BNC2: variants seen among roughly 807,000 people sequenced by gnomAD.
BNC2 encodes zinc finger protein basonuclin-2.
BNC2 carries 20 observed loss-of-function variants against 76.3 expected under a neutral mutation model. The ratio of observed to expected loss-of-function variants is 0.26; its 90% CI spans 0.18 to 0.38. The LOEUF (loss-of-function observed/expected upper bound fraction) is 0.38. Among genes scored for constraint, BNC2 ranks in the 10% least tolerant of loss-of-function variants. The pLI, the probability that BNC2 is intolerant of heterozygous loss-of-function variation, is 1.00. For synonymous variants in BNC2, 582 were observed against 514.8 expected, an observed-to-expected ratio of 1.13 and a Z score of -1.77; for missense variants, 1,382 against 1,399.8, an observed-to-expected ratio of 0.99 and a Z score of 0.20.
At chr9:16,843,614 G>GT (rs1339362097) in intron 1 of BNC2, among the ~76,000 whole-genome samples, 1 of 152,228 alleles carries the variant, frequency 6.6e-6, no homozygotes, top group African/African-American at 2.4e-5. Flanking sequence ...GATTACAGGC[G>GT]TGAGCCACCA....
intron 3 of BNC2, among the ~76,000 whole-genome samples, chr9:16,661,473 A>G (rs1242505868): frequency 1.4e-5 from 2 of 147,394 alleles, no homozygotes; most frequent in Non-Finnish European, 3.0e-5. Context: ...AGATGAAAAC[A>G]AAGCTAAGGT....
intron 1 of BNC2, among the ~76,000 whole-genome samples, chr9:16,755,728 GTGTC>G (rs1357447499): frequency 7.9e-5 from 12 of 152,174 alleles, no homozygotes; most frequent in Admixed American, 1.3e-4. Flanking sequence ...ATCTTCCCAA[GTGTC>G]TGTCTTATTA....
intron 3 of BNC2, among the ~76,000 whole-genome samples, chr9:16,588,972 G>A (rs1057288507): frequency 1.3e-5 from 2 of 152,160 alleles, no homozygotes; most frequent in African/African-American, 2.4e-5. Context: ...GTTATCTGAC[G>A]CAAATTTAAA....
At chr9:16,712,178 T>A (rs565706004) in intron 3 of BNC2, among the ~76,000 whole-genome samples, 1 of 152,242 alleles carries the variant, frequency 6.6e-6, no homozygotes, top group African/African-American at 2.4e-5. Flanking sequence ...ATGTCAAGTA[T>A]AGCTCCCCCG....
At chr9:16,450,199 T>C (rs1821311952) in intron 5 of BNC2, among the ~76,000 whole-genome samples, 1 of 152,250 alleles carries the variant, frequency 6.6e-6, no homozygotes, top group African/African-American at 2.4e-5. Context: ...TCAGTGAAAT[T>C]AGTTTAGGCC....
intron 5 of BNC2, among the ~76,000 whole-genome samples, chr9:16,509,284 A>T (rs1822700506): frequency 6.6e-6 from 1 of 152,160 alleles, no homozygotes; most frequent in African/African-American, 2.4e-5. Context: ...AAATCCTCAA[A>T]TTCTAACATA....
intron 5 of BNC2, among the ~76,000 whole-genome samples, chr9:16,523,992 T>C (rs1034451811): frequency 8.5e-5 from 13 of 152,168 alleles, no homozygotes; most frequent in Non-Finnish European, 1.3e-4. Flanking sequence ...TTTACAACTC[T>C]AACAGATTTT....
chr9:16,770,822 G>C (rs116555795), intron 1 of BNC2, among the ~76,000 whole-genome samples: 1 of 151,512 alleles, frequency 6.6e-6, no homozygotes, highest in Non-Finnish European at 1.5e-5. Flanking sequence ...CCAAGATAGC[G>C]AGATCATGCC....
At chr9:16,836,863 G>A (rs1195841791) in intron 1 of BNC2, among the ~76,000 whole-genome samples, 1 of 151,970 alleles carries the variant, frequency 6.6e-6, no homozygotes, top group African/African-American at 2.4e-5. Context: ...ATTCAGAAAA[G>A]GCCCTTGGGC....
intron 1 of BNC2, among the ~76,000 whole-genome samples, chr9:16,773,236 C>T (rs1287990652): frequency 1.3e-5 from 2 of 152,132 alleles, no homozygotes; most frequent in African/African-American, 4.8e-5. Flanking sequence ...TACTGAACTC[C>T]AGATCATACA....
intron 1 of BNC2, among the ~76,000 whole-genome samples, chr9:16,807,334 G>C (rs1817939072): frequency 6.6e-6 from 1 of 152,070 alleles, no homozygotes. Flanking sequence ...ATGAAAACAA[G>C]GTTTATAGGA....
At chr9:16,626,095 A>G (rs1360018829) in intron 3 of BNC2, 1 of 152,236 alleles carries the variant, frequency 6.6e-6, no homozygotes, top group Admixed American at 6.5e-5. Flanking sequence ...AAACCTTCAG[A>G]AATGCCAGTC....
intron 3 of BNC2, among the ~76,000 whole-genome samples, chr9:16,654,520 G>A (rs145903791): frequency 6.6e-6 from 1 of 152,244 alleles, no homozygotes; most frequent in Non-Finnish European, 1.5e-5. Flanking sequence ...CCAAAAGACA[G>A]CTATTAATTA....
At chr9:16,455,124 C>T (rs1821418882) in intron 5 of BNC2, among the ~76,000 whole-genome samples, 1 of 152,144 alleles carries the variant, frequency 6.6e-6, no homozygotes, top group South Asian at 2.1e-4. Context: ...AGACTAGAGG[C>T]AATTTCCAAT....
chr9:16,567,401 A>G (rs1819200248), intron 4 of BNC2, among the ~76,000 whole-genome samples: 1 of 152,208 alleles, frequency 6.6e-6, no homozygotes, highest in Admixed American at 6.5e-5. Context: ...AAATGTATAA[A>G]ATAGTGCTGG....
chr9:16,582,892 G>GACACAGAC (rs1554680076), intron 4 of BNC2, 91 bp downstream of exon 4: 6 of 626,976 alleles, frequency 9.6e-6, no homozygotes, highest in Non-Finnish European at 1.4e-5. Flanking sequence ...CCTCTAAACA[G>GACACAGAC]ACACACACAC....
chr9:16,443,584 T>C (rs1821173201), intron 5 of BNC2, among the ~76,000 whole-genome samples: 1 of 147,792 alleles, frequency 6.8e-6, no homozygotes, highest in Non-Finnish European at 1.5e-5. Context: ...AAATCATAAA[T>C]TTTACCAGGT....
intron 1 of BNC2, among the ~76,000 whole-genome samples, chr9:16,836,893 TAGC>T (rs979451161): frequency 1.1e-4 from 17 of 152,306 alleles, no homozygotes; most frequent in African/African-American, 4.1e-4. Context: ...CATTGAGTGA[TAGC>T]AGGCCACTTA....
chr9:16,435,767 T>C lies in BNC2; in HGVS notation c.2427A>G (p.Thr809=). 6.2e-6 allele frequency: 10 copies of C among 1,614,132 alleles called. No individual in the cohort carries two copies. Among genetic ancestry groups the C allele is most frequent in the Non-Finnish European group, 8.5e-6 (10 of 1,180,026 alleles). Residue 809 remains threonine, a synonymous_variant, in exon 6 of 7, where the codon ACA becomes ACG. Coordinates refer to ENST00000380672, the MANE Select transcript of BNC2 (RefSeq NM_017637.6). ...GAGGGCTGCCATAATTCAGAGACGA[T>C]GTAAAGCTCTCATGCAAGGCGGCCA... ...ASMAALHESF[T]SSLNYGSPQK... is the part of the protein sequence containing the mutation.
Sources: allele counts gnomAD v4.1 joint callset (sites outside exome capture counted in the v4.1 genomes callset), GRCh38; gene constraint gnomAD v4.1.1; transcripts MANE v1.5; gene names NCBI Gene and HGNC (gene_info 2026-07-23, HGNC 2026-07-21).